ARHGEF17: variants seen among roughly 807,000 people sequenced by gnomAD.
ARHGEF17 encodes the protein Rho guanine nucleotide exchange factor 17.
ARHGEF17 carries 80 observed loss-of-function variants against 174.0 expected under a neutral mutation model. The ratio of observed to expected loss-of-function variants is 0.46; its 90% CI spans 0.38 to 0.55. The LOEUF is 0.55. Ranked by LOEUF, ARHGEF17 falls within the 20% of genes least tolerant of loss-of-function variation. The pLI is 0.00. For synonymous variants in ARHGEF17, 1,311 were observed against 1,189.1 expected (o/e 1.10, Z -2.11); for missense variants, 2,886 against 2,839.7 (o/e 1.02, Z -0.37).
Position 73,359,968 on chromosome 11 carries a change from C to T in ARHGEF17, c.4206+16C>T, listed in dbSNP as rs1418840263. The stretch of plus-strand genomic sequence containing the variant: ...CCCCCACCAGGTCTGTGCCCTCTGC[C>T]TGACACTGGGGAGCCAGAGGGTGGG... On this transcript the variant is annotated intron_variant, in intron 10 of 20. Coordinates refer to ENST00000263674, the MANE Select transcript of ARHGEF17 (RefSeq NM_014786.4). 1.3e-6 allele frequency: 2 copies of T among 1,587,002 alleles called. No individual in the cohort carries two copies. The highest frequency in any genetic ancestry group is 2.3e-5 in the South Asian group (2 of 86,766).
chr11:73,339,240 C>A (rs902848029), intron 1 of ARHGEF17, among the ~76,000 whole-genome samples: 7 of 152,216 alleles, frequency 4.6e-5, no homozygotes, highest in Non-Finnish European at 8.8e-5. Context: ...AAATCCCCAG[C>A]ACAGTGCTTG....
At chr11:73,355,836 C>A (rs1175094823) in intron 4 of ARHGEF17, 25 bp from the exon 5 acceptor site, 4 of 1,613,418 alleles carry the variant, frequency 2.5e-6, no homozygotes, top group Admixed American at 3.3e-5. Flanking sequence ...TCATTCCTCA[C>A]ATGATGCCCA....
rs373339589 is a variant in ARHGEF17 at position 73,310,051 on chromosome 11, C to T, written c.1413C>T (p.Thr471=). Reference sequence around the variant, plus strand: ...CAAATCCAGATATCGCCTCAGAGACCCTGACGCTTCTCAGTTTCCTGCGCT... The same window carrying T: ...CAAATCCAGATATCGCCTCAGAGACTCTGACGCTTCTCAGTTTCCTGCGCT... The part of the protein sequence containing the change: ...SLSNPDIASE[T]LTLLSFLRSD... The change falls in exon 1 of 21, where the codon ACC becomes ACT. Residue 471 remains threonine, a synonymous_variant. Coordinates refer to ENST00000263674, the MANE Select transcript of ARHGEF17 (RefSeq NM_014786.4). The T allele has an allele frequency of 2.8e-5, 46 of 1,614,040 alleles. No individual in the cohort carries two copies. The highest frequency in any genetic ancestry group is 3.8e-5 in the Non-Finnish European group (45 of 1,180,022).
intron 16 of ARHGEF17, 150 bp downstream of exon 16, chr11:73,363,983 TACAC>T: frequency 9.3e-7 from 1 of 1,078,920 alleles, no homozygotes. Flanking sequence ...CTGTGCCTCT[TACAC>T]ACTGTGTGAG....
chr11:73,309,798 C>G lies in ARHGEF17; in HGVS notation c.1160C>G (p.Ser387Cys). 1 of 1,613,066 alleles carries G rather than the reference C, an allele frequency of 6.2e-7. No homozygotes were observed. The highest frequency in any genetic ancestry group is 1.7e-5 in the Admixed American group (1 of 60,026). ...FPSYLASPAG[S>C]RGSSRYSSTE... ...TCGTACCTGGCCAGCCCCGCAGGCT[C>G]CCGCGGTAGCAGCCGTTATTCCAGC... The change falls in exon 1 of 21, where the codon TCC becomes TGC. Residue 387 changes from serine to cysteine, a missense_variant. Physicochemically the swap from Ser to Cys is moderately radical, Grantham distance 112. Around this residue, in one of 4 missense-constraint regions of ARHGEF17, gnomAD observed 1,728 missense variants for 1,461.2 expected, o/e 1.18. Coordinates refer to ENST00000263674, the MANE Select transcript of ARHGEF17 (RefSeq NM_014786.4).
rs2134426831 is a variant in ARHGEF17, at chr11:73,368,564, T to C, written c.*784T>C. 1 of 152,374 alleles carries C rather than the reference T, an allele frequency of 6.6e-6. No individual in the cohort carries two copies. Among genetic ancestry groups the C allele is most frequent in the African/African-American group, 2.4e-5 (1 of 41,556 alleles). The allele number at this position is 152,374 out of a possible 1,614,324, so 9.4% of individuals were successfully genotyped here. ...GGTGGTGCCTTTAGTGGTTCCCTAA[T>C]TTGGGAACACTGATGGGGCCTTGGA... On this transcript the variant is annotated 3_prime_UTR_variant, in exon 21 of 21. Transcript: ENST00000263674.
intron 1 of ARHGEF17, among the ~76,000 whole-genome samples, chr11:73,319,325 G>A (rs1864977974): frequency 1.3e-5 from 2 of 152,092 alleles, no homozygotes; most frequent in Admixed American, 6.5e-5. Flanking sequence ...ACCTCCCAAA[G>A]TGCTGGAATT....
intron 1 of ARHGEF17, among the ~76,000 whole-genome samples, chr11:73,329,310 T>G (rs1865152537): frequency 8.4e-6 from 1 of 119,718 alleles, no homozygotes; most frequent in Non-Finnish European, 1.6e-5. Context: ...TTATCAGTAT[T>G]TTGAGAGCTT....
intron 14 of ARHGEF17, 49 bp from the exon 15 acceptor site, chr11:73,363,157 C>A: frequency 6.8e-7 from 1 of 1,478,596 alleles, no homozygotes; most frequent in South Asian, 1.4e-5. Flanking sequence ...GATATCAGGT[C>A]CCAGGCCTGG....
chr11:73,356,997 A>G, intron 7 of ARHGEF17, 28 bp from the exon 8 acceptor site: 1 of 1,611,654 alleles, frequency 6.2e-7, no homozygotes, highest in Non-Finnish European at 8.5e-7. Context: ...GTGTCCACCC[A>G]GCCTGAATTC....
intron 9 of ARHGEF17, 64 bp downstream of exon 9, chr11:73,357,391 C>G: frequency 6.9e-7 from 1 of 1,456,242 alleles, no homozygotes; most frequent in Non-Finnish European, 9.4e-7. Context: ...CCTGGAGGGT[C>G]TGAGCTCCAG....
Position 73,364,610 on chromosome 11 carries a change from G to T in ARHGEF17, c.5550+10G>T. ...CACGCTGCAGCTGGAGGTAGCAGGG[G>T]GTGGGGGAATGGAATTGGTGCCATG... On this transcript the variant is annotated intron_variant, in intron 18 of 20. Coordinates refer to ENST00000263674, the MANE Select transcript of ARHGEF17 (RefSeq NM_014786.4). 1 of 1,602,106 alleles carries T rather than the reference G, an allele frequency of 6.2e-7. No individual in the cohort carries two copies. The highest frequency in any genetic ancestry group is 1.3e-5 in the African/African-American group (1 of 74,170).
chr11:73,347,234 C>G, intron 2 of ARHGEF17: 2 of 540,954 alleles, frequency 3.7e-6, no homozygotes, highest in Non-Finnish European at 6.7e-6. Flanking sequence ...CAACCCTGAC[C>G]CTGAACTTAG....
intron 2 of ARHGEF17, 108 bp from the exon 3 acceptor site, chr11:73,352,722 G>A: frequency 8.0e-7 from 1 of 1,251,712 alleles, no homozygotes; most frequent in Non-Finnish European, 1.1e-6. Context: ...GCAGGGCGCT[G>A]AGCTGCAGGC....
At chr11:73,343,935 G>A (rs1257843368) in intron 1 of ARHGEF17, among the ~76,000 whole-genome samples, 3 of 152,184 alleles carry the variant, frequency 2.0e-5, no homozygotes, top group South Asian at 2.1e-4. Context: ...ACCTGGCTGC[G>A]TTTTTTATTT....
chr11:73,332,683 T>C (rs1865227807), intron 1 of ARHGEF17, among the ~76,000 whole-genome samples: 1 of 151,896 alleles, frequency 6.6e-6, no homozygotes, highest in Non-Finnish European at 1.5e-5. Context: ...TCCTAGATAA[T>C]CCCACACCTC....
intron 1 of ARHGEF17, among the ~76,000 whole-genome samples, chr11:73,344,412 C>T (rs1670169354): frequency 6.6e-6 from 1 of 152,194 alleles, no homozygotes; most frequent in Non-Finnish European, 1.5e-5. Context: ...CGGGCATTTG[C>T]AGCGTCAGCC....
intron 2 of ARHGEF17, among the ~76,000 whole-genome samples, chr11:73,350,085 C>CAG (rs1865528339): frequency 6.6e-6 from 1 of 152,032 alleles, no homozygotes; most frequent in African/African-American, 2.4e-5. Flanking sequence ...TAATTAGAGA[C>CAG]ACATGTTTAT....
Position 73,354,279 on chromosome 11 carries a change from C to T in ARHGEF17, c.3454-1254C>T, listed in dbSNP as rs184529885. 2.0e-3 allele frequency among the ~76,000 whole-genome samples: 306 copies of T among 152,310 alleles called. 2 individuals are homozygous for T. The highest frequency in any genetic ancestry group is 0.011 in the South Asian group (54 of 4,830). On this transcript the variant is annotated intron_variant, in intron 3 of 20. Coordinates refer to ENST00000263674, the MANE Select transcript of ARHGEF17 (RefSeq NM_014786.4). The stretch of plus-strand genomic sequence containing the variant: ...GGACCTTGATGCTGACCATGGACTA[C>T]GGCGAAGCCCTGGACCCGGAGGGGT...
Sources: allele counts gnomAD v4.1 joint callset (sites outside exome capture counted in the v4.1 genomes callset), GRCh38; gene constraint gnomAD v4.1.1; regional missense constraint gnomAD v4.1.1; transcripts MANE v1.5; gene names NCBI Gene and HGNC (gene_info 2026-07-23, HGNC 2026-07-21).